The following CADM4 variants were observed in gnomAD, a reference collection of about 807,000 sequenced individuals.
CADM4 encodes TSLC1-like 2.
A neutral mutation model predicts 43.9 loss-of-function variants in CADM4; 13 were observed. The observed-to-expected ratio is 0.30, with a 90% CI of 0.19 to 0.47. The LOEUF is 0.47. CADM4 is among the 20% of genes least tolerant of loss of function. The pLI is 1.00. For synonymous variants in CADM4, 209 were observed against 220.9 expected, an observed-to-expected ratio of 0.95 and a Z score of 0.48; for missense variants, 420 against 527.0, an observed-to-expected ratio of 0.80 and a Z score of 1.99.
chr19:43,625,312 T>C lies in CADM4; in HGVS notation c.756-62A>G. 6.6e-7 allele frequency: 1 copy of C among 1,518,508 alleles called. No homozygotes were observed. Among genetic ancestry groups the C allele is most frequent in the Non-Finnish European group, 8.9e-7 (1 of 1,118,050 alleles). 94.1% of individuals were successfully genotyped at this position (1,518,508 alleles called of 1,614,324 possible). ...GAGGTGCCAGCACCCAATTCTGACT[T>C]GTCAAGAATCTAGACATGCAACTCT... is the stretch of plus-strand genomic sequence containing the variant. On this transcript the variant is annotated intron_variant, in intron 6 of 8. Transcript: ENST00000222374. This position sits in a 1 kb window ranked among gnomAD's most constrained non-coding sequence, Gnocchi z 4.5.
At chr19:43,636,189 G>A (rs1036879787) in intron 1 of CADM4, among the ~76,000 whole-genome samples, 2 of 152,098 alleles carry the variant, frequency 1.3e-5, no homozygotes, top group Non-Finnish European at 1.5e-5. Context: ...ATCAGGTGGG[G>A]GCGTAGGGGT....
intron 1 of CADM4, among the ~76,000 whole-genome samples, chr19:43,635,399 G>GC (rs1343084927): frequency 6.6e-6 from 1 of 151,384 alleles, no homozygotes; most frequent in Non-Finnish European, 1.5e-5. Context: ...CCTTGTGAAG[G>GC]CGCCTGTATT....
intron 1 of CADM4, among the ~76,000 whole-genome samples, chr19:43,633,895 T>C (rs1363948017): frequency 6.7e-6 from 1 of 150,140 alleles, no homozygotes; most frequent in East Asian, 2.0e-4. Flanking sequence ...GGGGTCTCAA[T>C]ATCTTGCCCA....
intron 1 of CADM4, among the ~76,000 whole-genome samples, 168 bp downstream of exon 1, chr19:43,639,559 C>G (rs1205592539): frequency 6.6e-6 from 1 of 150,392 alleles, no homozygotes; most frequent in East Asian, 2.0e-4. Flanking sequence ...CCCCCTCCCC[C>G]GCTCGTCGCT....
In CADM4 at chr19:43,639,799, C is replaced by A. The variant is rs1055929912; in HGVS notation, c.-9G>T. ...CGCCGGGCCCGGCCCATGGTGCCGC[C>A]GCCGCCGCCGCCGCCGCTCGCTCCC... On this transcript the variant is annotated 5_prime_UTR_variant, in exon 1 of 9. Coordinates refer to ENST00000222374, the MANE Select transcript of CADM4 (RefSeq NM_145296.2). 34 of 998,004 alleles carry A rather than the reference C, an allele frequency of 3.4e-5. No individual in the cohort carries two copies. Among genetic ancestry groups the A allele is most frequent in the Non-Finnish European group, 3.9e-5 (33 of 841,968 alleles). The allele number at this position is 998,004 out of a possible 1,614,324, so 61.8% of individuals were successfully genotyped here. A position where few individuals can be genotyped will look rare whatever the true frequency, so the allele number is the denominator to read the frequency against.
At chr19:43,634,912 T>C (rs928771327) in intron 1 of CADM4, among the ~76,000 whole-genome samples, 1 of 150,830 alleles carries the variant, frequency 6.6e-6, no homozygotes, top group Non-Finnish European at 1.5e-5. Context: ...CCCAACCACC[T>C]CCTCTCTCAG....
upstream of CADM4, chr19:43,639,874 G>A (rs957971405): frequency 7.6e-6 from 7 of 920,990 alleles, no homozygotes; most frequent in African/African-American, 1.3e-4. Context: ...CCCGCGCCCC[G>A]CCCCCTGCCC....
Position 43,625,328 on chromosome 19 carries a change from A to G in CADM4, c.756-78T>C. ...ATTCTGACTTGTCAAGAATCTAGAC[A>G]TGCAACTCTCATCCCGCAGGGACCT... On this transcript the variant is annotated intron_variant, in intron 6 of 8. Coordinates refer to ENST00000222374, the MANE Select transcript of CADM4 (RefSeq NM_145296.2). This position sits in a 1 kb window ranked among gnomAD's most constrained non-coding sequence, Gnocchi z 4.5. 5 of 1,421,096 alleles carry G rather than the reference A, an allele frequency of 3.5e-6. No homozygotes were observed. The highest frequency in any genetic ancestry group is 4.8e-6 in the Non-Finnish European group (5 of 1,046,192). The allele number at this position is 1,421,096 out of a possible 1,614,324, so 88.0% of individuals were successfully genotyped here.
chr19:43,630,436 C>A (rs73556601), intron 1 of CADM4, among the ~76,000 whole-genome samples: 3,036 of 151,952 alleles, frequency 0.02, 95 homozygotes, highest in African/African-American at 0.065. Context: ...TAGGCACCTG[C>A]CACTGCACTT....
upstream of CADM4, among the ~76,000 whole-genome samples, chr19:43,640,108 G>A (rs2146168058): frequency 1.3e-5 from 2 of 151,280 alleles, no homozygotes; most frequent in East Asian, 3.9e-4. Context: ...GGAGGGTGTT[G>A]GGTGAGGGTG....
In CADM4 at chr19:43,627,858, C is replaced by T; in HGVS notation, c.65-68G>A. 6.7e-7 allele frequency: 1 copy of T among 1,495,406 alleles called. No individual in the cohort carries two copies. The highest frequency in any genetic ancestry group is 9.2e-7 in the Non-Finnish European group (1 of 1,089,326). 92.6% of individuals were successfully genotyped at this position (1,495,406 alleles called of 1,614,324 possible). A position where few individuals can be genotyped will look rare whatever the true frequency, so the allele number is the denominator to read the frequency against. On this transcript the variant is annotated intron_variant, in intron 1 of 8. Coordinates refer to ENST00000222374, the MANE Select transcript of CADM4 (RefSeq NM_145296.2). This position sits in a 1 kb window ranked among gnomAD's most constrained non-coding sequence, Gnocchi z 4.0. The stretch of plus-strand genomic sequence containing the variant: ...AGCTGCAATTCAATTTTTTCTTTCT[C>T]CCTCTTCCCCATCCAAACCTCCAAT...
upstream of CADM4, among the ~76,000 whole-genome samples, chr19:43,639,998 G>C (rs569202488): frequency 8.0e-5 from 12 of 150,338 alleles, no homozygotes; most frequent in African/African-American, 2.9e-4. Context: ...TGCGGGGTGC[G>C]AAAGCTGGAG....
intron 1 of CADM4, among the ~76,000 whole-genome samples, chr19:43,637,215 A>G (rs1167550862): frequency 6.6e-6 from 1 of 152,184 alleles, no homozygotes; most frequent in Non-Finnish European, 1.5e-5. Flanking sequence ...TGTTTTTAAA[A>G]TGGCGCAAAT....
chr19:43,624,157 T>C lies in CADM4; in HGVS notation c.1014A>G (p.Ile338Met), dbSNP rs777394159. 8 of 1,613,944 alleles carry C rather than the reference T, an allele frequency of 5.0e-6. No individual in the cohort carries two copies. Among genetic ancestry groups the C allele is most frequent in the Admixed American group, 1.7e-5 (1 of 59,992 alleles). ...GILALLVFLI[I>M]CVLVGMVWCS... ...ACCAGACCATGCCCACTAGCACACA[T>C]ATGATCAGAAACACCAGCAGCGCCA... The change falls in exon 8 of 9, where the codon ATA becomes ATG. Residue 338 changes from isoleucine (I) to methionine (M), a missense_variant. Ile to Met is a conservative substitution (Grantham distance 10). Transcript: ENST00000222374.
rs1973555970 is a variant in CADM4, at chr19:43,627,883, T to C, written c.65-93A>G. 11 of 1,221,902 alleles carry C rather than the reference T, an allele frequency of 9.0e-6. No homozygotes were observed. The highest frequency in any genetic ancestry group is 1.3e-5 in the Non-Finnish European group (11 of 850,772). 75.7% of individuals were successfully genotyped at this position (1,221,902 alleles called of 1,614,324 possible). ...CCCTCTTCCCCATCCAAACCTCCAATCCCTCTCTTTCCCCTCATTCATTCC... is the reference window on the plus strand; with the variant it reads ...CCCTCTTCCCCATCCAAACCTCCAACCCCTCTCTTTCCCCTCATTCATTCC... On this transcript the variant is annotated intron_variant, in intron 1 of 8. Transcript: ENST00000222374. The surrounding 1 kb of genome is among the most constrained non-coding windows in gnomAD (Gnocchi z 4.0).
intron 1 of CADM4, among the ~76,000 whole-genome samples, chr19:43,630,281 C>CTTTTTTTTTTTTTTTT (rs59489315): frequency 2.7e-4 from 20 of 73,430 alleles, no homozygotes; most frequent in South Asian, 4.6e-4. Flanking sequence ...TTTTTCTTTT[C>CTTTTTTTTTTTTTTTT]TTTTTTTTTT....
Position 43,635,451 on chromosome 19 carries a change from G to A in CADM4, c.64+4276C>T, listed in dbSNP as rs554741257. On this transcript the variant is annotated intron_variant, in intron 1 of 8. Transcript: ENST00000222374. ...CAGGGTCTCAGCCCCTCCTCCCTCA[G>A]AAACCTGCAGTGGAATCCCCCGCCT... Among the ~76,000 whole-genome samples the A allele has an allele frequency of 1.5e-4, 23 of 148,598 alleles. No homozygotes were observed. The East Asian group carries it at 4.6e-3, about 29-fold the overall frequency.
intron 1 of CADM4, among the ~76,000 whole-genome samples, chr19:43,633,916 G>C (rs539211397): frequency 6.0e-5 from 9 of 149,514 alleles, no homozygotes; most frequent in African/African-American, 2.2e-4. Flanking sequence ...GGTTGGTCTT[G>C]AACTCCTAGG....
intron 1 of CADM4, among the ~76,000 whole-genome samples, chr19:43,632,776 T>C (rs1973645623): frequency 6.6e-6 from 1 of 152,114 alleles, no homozygotes; most frequent in South Asian, 2.1e-4. Context: ...TTTAGAACAC[T>C]TTCTTTTCTT....
Sources: allele counts gnomAD v4.1 joint callset (sites outside exome capture counted in the v4.1 genomes callset), GRCh38; gene constraint gnomAD v4.1.1; non-coding constraint Gnocchi (gnomAD v3.1); transcripts MANE v1.5; gene names NCBI Gene and HGNC (gene_info 2026-07-23, HGNC 2026-07-21).